The following GBP3 variants were observed in gnomAD, a reference collection of about 807,000 sequenced individuals.
GBP3 encodes guanylate-binding protein 3.
In GBP3, 55 loss-of-function variants were observed where a neutral mutation model predicts 62.4. The ratio of observed to expected loss-of-function variants is 0.88; its 90% confidence interval spans 0.71 to 1.10. The LOEUF is 1.10. Ranked by LOEUF, GBP3 falls within the 50% of genes least tolerant of loss-of-function variation. The pLI is 0.00. For synonymous variants in GBP3, 208 were observed against 259.2 expected (o/e 0.80, Z 1.90); for missense variants, 605 against 690.6 (o/e 0.88, Z 1.39).
chr1:89,012,072 ACT>A (rs1678603203), intron 6 of GBP3, 45 bp from the exon 7 acceptor site: 1 of 1,397,506 alleles, frequency 7.2e-7, no homozygotes, highest in East Asian at 2.4e-5. Flanking sequence ...ACTAAAGAAA[ACT>A]CTCTATTCTG....
chr1:89,020,229 C>A (rs1238894051), intron 2 of GBP3: 5 of 417,454 alleles, frequency 1.2e-5, no homozygotes, highest in Middle Eastern at 6.9e-4. Flanking sequence ...AAGAGCAAGA[C>A]CTTGTCTCAA....
intron 8 of GBP3, among the ~76,000 whole-genome samples, chr1:89,010,552 A>G (rs1334625863): frequency 7.2e-6 from 1 of 138,508 alleles, no homozygotes; most frequent in African/African-American, 2.5e-5. Flanking sequence ...AGCTGGGACT[A>G]CAGGCATGTG....
intron 5 of GBP3, 64 bp downstream of exon 5, chr1:89,014,019 A>G: frequency 6.5e-7 from 1 of 1,527,180 alleles, no homozygotes. Context: ...ATCAATAGTA[A>G]ACTAAAAAAT....
rs1032454069 is a variant in GBP3, at chr1:89,013,603, C to A, written c.626-176G>T. 7.7e-6 allele frequency: 5 copies of A among 650,940 alleles called. No homozygotes were observed. The East Asian group carries it at 8.6e-5, about 11-fold the overall frequency. 40.3% of individuals were successfully genotyped at this position (650,940 alleles called of 1,614,324 possible). A position where few individuals can be genotyped will look rare whatever the true frequency, so the allele number is the denominator to read the frequency against. On this transcript the variant is annotated intron_variant, in intron 5 of 10. Transcript: ENST00000370481. ...AAATGAATGGGCATAGCATTCTTCCCAAAAAACCTCACTTAGAAAGACAGC... is the reference window on the plus strand; with the variant it reads ...AAATGAATGGGCATAGCATTCTTCCAAAAAAACCTCACTTAGAAAGACAGC...
At chr1:89,012,177 A>C in intron 6 of GBP3, 150 bp from the exon 7 acceptor site, 1 of 853,614 alleles carries the variant, frequency 1.2e-6, no homozygotes, top group Non-Finnish European at 1.8e-6. Flanking sequence ...GCCTATTGTT[A>C]GCCTCTGTCC....
intron 2 of GBP3, 38 bp downstream of exon 2, chr1:89,020,494 C>A (rs1679125705): frequency 1.2e-5 from 20 of 1,611,174 alleles, no homozygotes; most frequent in Non-Finnish European, 1.6e-5. Context: ...TGTTGGGGGA[C>A]AGAAGGGACT....
intron 2 of GBP3, chr1:89,020,208 C>A: frequency 2.5e-6 from 1 of 405,610 alleles, no homozygotes; most frequent in Admixed American, 3.2e-5. Context: ...CACTGTACTC[C>A]AGCCTGGGGA....
Position 89,007,633 on chromosome 1 carries a change from C to G in GBP3, c.*91G>C. The G allele has an allele frequency of 8.3e-7, 1 of 1,200,324 alleles. No individual in the cohort carries two copies. The highest frequency in any genetic ancestry group is 1.2e-6 in the Non-Finnish European group (1 of 841,582). The allele number at this position is 1,200,324 out of a possible 1,614,324, so 74.4% of individuals were successfully genotyped here. A position where few individuals can be genotyped will look rare whatever the true frequency, so the allele number is the denominator to read the frequency against. Reference sequence around the variant, plus strand: ...AACTTTTAGTGTTATGATGCAAGATCTAATTATTATCAAATATAGTGACAC... The same window carrying G: ...AACTTTTAGTGTTATGATGCAAGATGTAATTATTATCAAATATAGTGACAC... On this transcript the variant is annotated 3_prime_UTR_variant, in exon 11 of 11. Coordinates refer to ENST00000370481, the MANE Select transcript of GBP3 (RefSeq NM_018284.3).
intron 3 of GBP3, 138 bp from the exon 4 acceptor site, chr1:89,014,794 C>G: frequency 9.5e-7 from 1 of 1,049,656 alleles, no homozygotes; most frequent in Non-Finnish European, 1.4e-6. Flanking sequence ...CAAATCCAAA[C>G]AAAATGATTG....
chr1:89,013,164 A>C, intron 6 of GBP3, 21 bp downstream of exon 6: 3 of 1,606,572 alleles, frequency 1.9e-6, no homozygotes, highest in Admixed American at 1.7e-5. Flanking sequence ...AATGAGTGGA[A>C]GTACTACGAA....
chr1:89,021,508 G>GCACACACACACA (rs1360476955), intron 1 of GBP3, among the ~76,000 whole-genome samples: 4 of 53,528 alleles, frequency 7.5e-5, no homozygotes, highest in Middle Eastern at 0.01. Flanking sequence ...ATGCGCGCGC[G>GCACACACACACA]CGCACACACA....
intron 2 of GBP3, 104 bp downstream of exon 2, chr1:89,020,428 A>G (rs1679119983): frequency 7.5e-7 from 1 of 1,338,976 alleles, no homozygotes; most frequent in Non-Finnish European, 1.1e-6. Flanking sequence ...ATGGAAAGTT[A>G]GCTTATTCCC....
rs998606478 is a variant in GBP3, at chr1:89,006,852, C to G, written c.*872G>C. 6.6e-6 allele frequency: 1 copy of G among 152,130 alleles called. No individual in the cohort carries two copies. Among genetic ancestry groups the G allele is most frequent in the African/African-American group, 2.4e-5 (1 of 41,438 alleles). The allele number at this position is 152,130 out of a possible 1,614,324, so 9.4% of individuals were successfully genotyped here. On this transcript the variant is annotated 3_prime_UTR_variant, in exon 11 of 11. Coordinates refer to ENST00000370481, the MANE Select transcript of GBP3 (RefSeq NM_018284.3). ...GAAAGTCAAAAAAATTCCATATTCC[C>G]TTTGGGGAAAATTGGCAGGATTTCA...
chr1:89,015,080 G>C (rs1678813795), intron 3 of GBP3, among the ~76,000 whole-genome samples: 1 of 152,196 alleles, frequency 6.6e-6, no homozygotes, highest in Non-Finnish European at 1.5e-5. Context: ...GTAGAATACT[G>C]TGTGTTGACC....
At position 89,020,705 on chromosome 1, in the gene GBP3, T is replaced by C; in HGVS notation, c.17A>G (p.His6Arg). The change falls in exon 2 of 11, where the codon CAC (histidine) becomes CGC (arginine). Residue 6 changes from histidine (H) to arginine (R), a missense_variant. Coordinates refer to ENST00000370481, the MANE Select transcript of GBP3 (RefSeq NM_018284.3). MAPEI[H>R]MTGPMCLIEN... ...AATGAGGCACATTGGGCCTGTCATG[T>C]GGATCTCTGGAGCCATGTCCAGGGC... 1 of 1,614,050 alleles carries C rather than the reference T, an allele frequency of 6.2e-7. No individual in the cohort carries two copies. The highest frequency in any genetic ancestry group is 8.5e-7 in the Non-Finnish European group (1 of 1,179,922).
chr1:89,014,718 G>T, intron 3 of GBP3, 62 bp from the exon 4 acceptor site: 1 of 1,600,186 alleles, frequency 6.2e-7, no homozygotes, highest in Non-Finnish European at 8.6e-7. Context: ...TTTCCAGAGT[G>T]ACAGTAGTAA....
Position 89,008,875 on chromosome 1 carries a change from A to G in GBP3, c.1659+72T>C, listed in dbSNP as rs748892311. 9.9e-6 allele frequency: 16 copies of G among 1,609,824 alleles called. No homozygotes were observed. The East Asian group carries it at 2.0e-4, about 20-fold the overall frequency. ...CCCTGGGCTTTATGTTCGCTCTGCC[A>G]TACTAAGTTTGTGATCAGGAAGAAC... On this transcript the variant is annotated intron_variant, in intron 10 of 10. Coordinates refer to ENST00000370481, the MANE Select transcript of GBP3 (RefSeq NM_018284.3).
At chr1:89,018,053 T>G (rs1309957660) in intron 2 of GBP3, among the ~76,000 whole-genome samples, 1 of 150,820 alleles carries the variant, frequency 6.6e-6, no homozygotes, top group Non-Finnish European at 1.5e-5. Flanking sequence ...CACTCCAGCC[T>G]GGGTGACAGA....
At chr1:89,008,610 C>T (rs568015780) in intron 10 of GBP3, among the ~76,000 whole-genome samples, 4 of 151,506 alleles carry the variant, frequency 2.6e-5, no homozygotes, top group Non-Finnish European at 5.9e-5. Flanking sequence ...TTCTGAACCT[C>T]TGTTTCCTCT....
Sources: gnomAD v4.1 joint callset for allele counts (sites outside exome capture counted in the v4.1 genomes callset) on GRCh38, gnomAD v4.1.1 for gene constraint, MANE v1.5 for transcripts, NCBI Gene and HGNC (gene_info 2026-07-23, HGNC 2026-07-21) for gene names.